Variants in DLGAP2 observed in about 807,000 individuals in gnomAD.
The protein encoded by DLGAP2 is DLG associated protein 2.
In DLGAP2, 26 loss-of-function variants were observed where a neutral mutation model predicts 100.3. The ratio of observed to expected loss-of-function variants is 0.26; its 90% CI spans 0.19 to 0.36. The LOEUF is 0.36. Ranked by LOEUF, DLGAP2 falls within the 10% of genes least tolerant of loss-of-function variation. The pLI is 1.00. For missense variants in DLGAP2, 1,858 were observed against 1,453.2 expected, an observed-to-expected ratio of 1.28 and a Z score of -4.53; for synonymous variants, 886 against 630.1, an observed-to-expected ratio of 1.41 and a Z score of -6.08.
chr8:1,483,982 G>A (rs751157514), intron 3 of DLGAP2, among the ~76,000 whole-genome samples: 5 of 152,362 alleles, frequency 3.3e-5, no homozygotes, highest in Non-Finnish European at 7.3e-5. Flanking sequence ...TGGGTTTAGC[G>A]TGATATGGAA....
chr8:1,330,430 A>C (rs1295591346), intron 3 of DLGAP2, among the ~76,000 whole-genome samples: 1 of 127,468 alleles, frequency 7.8e-6, no homozygotes, highest in East Asian at 2.6e-4. Context: ...CTTCGCGGGG[A>C]CTGAGTTCTG....
chr8:757,939 G>A (rs1333756009), intron 1 of DLGAP2, among the ~76,000 whole-genome samples: 6 of 152,172 alleles, frequency 3.9e-5, no homozygotes, highest in Non-Finnish European at 8.8e-5. Context: ...ACTGCTGGGC[G>A]GCGTGGGGCA....
chr8:1,530,111 C>T (rs140579077), intron 4 of DLGAP2, among the ~76,000 whole-genome samples: 87 of 152,206 alleles, frequency 5.7e-4, no homozygotes, highest in African/African-American at 2.0e-3. Context: ...TGAGATCAAC[C>T]GGTCTGATCA....
intron 2 of DLGAP2, among the ~76,000 whole-genome samples, chr8:1,212,806 G>A (rs1420380006): frequency 5.7e-5 from 7 of 121,784 alleles, no homozygotes; most frequent in African/African-American, 2.3e-4. Context: ...TTGGATTAAT[G>A]TTCTTAAATT....
At chr8:1,553,156 G>A (rs978601969) in intron 5 of DLGAP2, among the ~76,000 whole-genome samples, 2 of 152,102 alleles carry the variant, frequency 1.3e-5, no homozygotes, top group African/African-American at 4.8e-5. Flanking sequence ...GAGAAGACCC[G>A]GCAGCCCCTC....
intron 1 of DLGAP2, among the ~76,000 whole-genome samples, chr8:785,447 T>C (rs1469393189): frequency 1.0e-3 from 109 of 105,766 alleles, no homozygotes; most frequent in African/African-American, 1.6e-3. Flanking sequence ...TCCCCTCAGG[T>C]CTCTCTGAGA....
intron 3 of DLGAP2, among the ~76,000 whole-genome samples, chr8:1,410,840 T>TC (rs981668449): frequency 1.2e-4 from 18 of 152,200 alleles, no homozygotes; most frequent in African/African-American, 4.1e-4. Flanking sequence ...CCATTTTTTT[T>TC]TTTTTTTTTT....
rs1799248718 is a variant in DLGAP2 at position 1,257,432 on chromosome 8, TCCA to T, written c.74-1416_74-1414del. On this transcript the variant is annotated intron_variant, in intron 2 of 14. Transcript: ENST00000637795. Reference sequence around the variant, plus strand: ...CTCCGCTCACCTCTCTGCCTGCCCCTCCACCCCCCCGCCCCATCCTTCTGGGCA... The same window carrying T: ...CTCCGCTCACCTCTCTGCCTGCCCCTCCCCCCCGCCCCATCCTTCTGGGCA... 1.3e-4 allele frequency among the ~76,000 whole-genome samples: 19 copies of T among 148,954 alleles called. 1 individual carries two copies. Among genetic ancestry groups the T allele is most frequent in the African/African-American group, 4.4e-4 (18 of 40,606 alleles).
chr8:804,862 C>G (rs566046690), intron 1 of DLGAP2, among the ~76,000 whole-genome samples: 55 of 152,186 alleles, frequency 3.6e-4, no homozygotes, highest in Non-Finnish European at 5.3e-4. Flanking sequence ...GCCTCCTGGG[C>G]TTAAGTGATC....
At chr8:1,129,053 C>T (rs145355307) in intron 2 of DLGAP2, among the ~76,000 whole-genome samples, 1 of 152,192 alleles carries the variant, frequency 6.6e-6, no homozygotes. Flanking sequence ...ACTCACAATT[C>T]CACTTCATGG....
chr8:1,408,790 C>G (rs1187571463), intron 3 of DLGAP2, among the ~76,000 whole-genome samples: 1 of 152,080 alleles, frequency 6.6e-6, no homozygotes, highest in Non-Finnish European at 1.5e-5. Flanking sequence ...CCAAGAGACC[C>G]TTCGTCTGTC....
Position 949,488 on chromosome 8 carries a change from G to A in DLGAP2, c.73+41522G>A, listed in dbSNP as rs549126196. ...CCCTGGGCTTCCGGAGCTGAAACTC[G>A]GGAAGATGCGAACATTCAAGCAGAA... On this transcript the variant is annotated intron_variant, in intron 2 of 14. Coordinates refer to ENST00000637795, the MANE Select transcript of DLGAP2 (RefSeq NM_001346810.2). Among the ~76,000 whole-genome samples the A allele has an allele frequency of 5.6e-4, 85 of 152,198 alleles. No homozygotes were observed. In the South Asian group the frequency reaches 0.012, roughly 22 times the overall value.
At chr8:1,008,635 A>G (rs1042740138) in intron 2 of DLGAP2, among the ~76,000 whole-genome samples, 11 of 152,210 alleles carry the variant, frequency 7.2e-5, no homozygotes, top group Non-Finnish European at 1.2e-4. Context: ...TGTCCTTTGC[A>G]TGGTTCTTAC....
At chr8:1,414,825 A>G (rs1796833574) in intron 3 of DLGAP2, among the ~76,000 whole-genome samples, 2 of 152,184 alleles carry the variant, frequency 1.3e-5, no homozygotes, top group South Asian at 2.1e-4. Context: ...CCTGGCCAAC[A>G]TGGCAAAACC....
intron 3 of DLGAP2, among the ~76,000 whole-genome samples, chr8:1,487,802 G>A (rs983896678): frequency 3.3e-5 from 5 of 152,306 alleles, no homozygotes; most frequent in African/African-American, 4.8e-5. Flanking sequence ...GGTCGAGTAC[G>A]AGTAGTCGGT....
intron 3 of DLGAP2, among the ~76,000 whole-genome samples, chr8:1,463,733 G>A (rs1798527296): frequency 1.3e-5 from 2 of 152,390 alleles, no homozygotes; most frequent in South Asian, 4.1e-4. Flanking sequence ...TGAACATGGT[G>A]TGAGCGGCCC....
At chr8:776,750 G>T (rs959885502) in intron 1 of DLGAP2, among the ~76,000 whole-genome samples, 1 of 152,200 alleles carries the variant, frequency 6.6e-6, no homozygotes, top group African/African-American at 2.4e-5. Flanking sequence ...TACATGTGCT[G>T]AGGAGAGCTT....
chr8:1,459,330 C>G (rs1468155720), intron 3 of DLGAP2, among the ~76,000 whole-genome samples: 1 of 152,228 alleles, frequency 6.6e-6, no homozygotes, highest in Non-Finnish European at 1.5e-5. Context: ...TGACAGCCAG[C>G]TGGTTTACAT....
At chr8:767,518 G>A (rs950089575) in intron 1 of DLGAP2, among the ~76,000 whole-genome samples, 8 of 151,928 alleles carry the variant, frequency 5.3e-5, no homozygotes, top group Non-Finnish European at 8.8e-5. Flanking sequence ...CACCCTGCCC[G>A]GCTAATTTTT....
Sources: allele counts gnomAD v4.1 joint callset (sites outside exome capture counted in the v4.1 genomes callset), GRCh38; gene constraint gnomAD v4.1.1; transcripts MANE v1.5; gene names NCBI Gene and HGNC (gene_info 2026-07-23, HGNC 2026-07-21).